Variants in ARHGEF38 observed in about 807,000 individuals in gnomAD.
The protein encoded by ARHGEF38 is Rho guanine nucleotide exchange factor (GEF) 38.
ARHGEF38 carries 79 observed loss-of-function variants against 79.9 expected under a neutral mutation model. The observed-to-expected ratio is 0.99, with a 90% CI of 0.82 to 1.19. ARHGEF38 has a LOEUF of 1.19. ARHGEF38 is among the 50% of genes most tolerant of loss of function. ARHGEF38 has a pLI of 0.00. For synonymous variants in ARHGEF38, 366 were observed against 328.3 expected (o/e 1.11, Z -1.24); for missense variants, 962 against 907.2 (o/e 1.06, Z -0.78).
chr4:105,679,567 C>A lies in ARHGEF38; in HGVS notation c.*1630C>A. ...GCTGCAGCCAATGCATCTATCGCCC[C>A]TTTCTCTTCTATCAGTATCTGAGCT... On this transcript the variant is annotated 3_prime_UTR_variant, in exon 14 of 14. Coordinates refer to ENST00000420470, the MANE Select transcript of ARHGEF38 (RefSeq NM_001242729.2). The A allele has an allele frequency of 9.9e-7, 1 of 1,014,546 alleles. No homozygotes were observed. Among genetic ancestry groups the A allele is most frequent in the Non-Finnish European group, 1.6e-6 (1 of 635,278 alleles). The allele number at this position is 1,014,546 out of a possible 1,614,324, so 62.8% of individuals were successfully genotyped here.
chr4:105,553,090 A>T, intron 1 of ARHGEF38, 129 bp downstream of exon 1: 1 of 663,060 alleles, frequency 1.5e-6, no homozygotes, highest in South Asian at 2.6e-5. Context: ...CCCACAAAAT[A>T]AGAAGATGAA....
At chr4:105,577,575 T>C (rs1006397002) in intron 1 of ARHGEF38, among the ~76,000 whole-genome samples, 29 of 152,026 alleles carry the variant, frequency 1.9e-4, no homozygotes, top group African/African-American at 6.3e-4. Context: ...TTGTTGTTGT[T>C]GGCAAATTTC....
rs146509685 is a variant in ARHGEF38, at chr4:105,571,613, G to A, written c.197-17635G>A. 1.6e-3 allele frequency among the ~76,000 whole-genome samples: 240 copies of A among 152,214 alleles called. 1 individual carries two copies. Among genetic ancestry groups the A allele is most frequent in the African/African-American group, 5.6e-3 (231 of 41,560 alleles). ...GCTGGGATTACAGGCGTGAGCCACC[G>A]CGCCCTGCCTGCTCATGCCTCTTCA... On this transcript the variant is annotated intron_variant, in intron 1 of 13. Coordinates refer to ENST00000420470, the MANE Select transcript of ARHGEF38 (RefSeq NM_001242729.2).
At chr4:105,588,222 C>T (rs1013423490) in intron 1 of ARHGEF38, among the ~76,000 whole-genome samples, 1 of 152,182 alleles carries the variant, frequency 6.6e-6, no homozygotes, top group Non-Finnish European at 1.5e-5. Context: ...TTTATAGGCC[C>T]TTTTGTAAAG....
chr4:105,579,110 CTT>C (rs987742086), intron 1 of ARHGEF38, among the ~76,000 whole-genome samples: 2 of 152,120 alleles, frequency 1.3e-5, no homozygotes, highest in Admixed American at 6.5e-5. Context: ...TATCCTGAAA[CTT>C]TGCTGAATTT....
In ARHGEF38 at chr4:105,655,603, G is replaced by A. The variant is rs202237437; in HGVS notation, c.1114G>A (p.Asp372Asn). ...TTGTAACTTTGTTCTTGGGTTTCAG[G>A]ATGCCATGCCCCTGGCTCTGCAGAG... ...NISLCLQHIQ[D>N]AMPLALQSVM... The change falls in exon 9 of 14, where the codon GAT becomes AAT. Residue 372 changes from aspartate to asparagine, a missense_variant and splice_region_variant. Physicochemically the swap from Asp to Asn is conservative, Grantham distance 23 (BLOSUM62 1). Transcript: ENST00000420470. 2.0e-4 allele frequency: 301 copies of A among 1,533,886 alleles called. 1 individual carries two copies. Among genetic ancestry groups the A allele is most frequent in the South Asian group, 3.5e-4 (29 of 83,258 alleles).
intron 2 of ARHGEF38, among the ~76,000 whole-genome samples, chr4:105,602,897 G>A (rs1299240720): frequency 6.6e-6 from 1 of 152,212 alleles, no homozygotes; most frequent in East Asian, 1.9e-4. Flanking sequence ...CCTAAAATCA[G>A]CACTCACTCC....
In ARHGEF38 at chr4:105,679,649, C is replaced by A; in HGVS notation, c.*1712C>A. On this transcript the variant is annotated 3_prime_UTR_variant, in exon 14 of 14. Transcript: ENST00000420470. ...GAAATGGAAGCCAGAGACCTTATGG[C>A]ATCCATGCTTTTAAATTTAACTAAA... The A allele has an allele frequency of 1.3e-6, 1 of 799,102 alleles. No homozygotes were observed. Among genetic ancestry groups the A allele is most frequent in the Non-Finnish European group, 2.3e-6 (1 of 441,358 alleles). The allele number at this position is 799,102 out of a possible 1,614,324, so 49.5% of individuals were successfully genotyped here.
In ARHGEF38 at chr4:105,667,435, C is replaced by T. The variant is rs781626064; in HGVS notation, c.1889-9C>T. ...ACTTGGTTCTTCTTTCTTTTTATTTCCTATCCAGATGTGAAAGGATATGTT... is the reference window on the plus strand; with the variant it reads ...ACTTGGTTCTTCTTTCTTTTTATTTTCTATCCAGATGTGAAAGGATATGTT... On this transcript the variant is annotated splice_polypyrimidine_tract_variant and intron_variant, in intron 12 of 13. Coordinates refer to ENST00000420470, the MANE Select transcript of ARHGEF38 (RefSeq NM_001242729.2). The T allele has an allele frequency of 6.5e-7, 1 of 1,535,378 alleles. No individual in the cohort carries two copies. The highest frequency in any genetic ancestry group is 8.7e-7 in the Non-Finnish European group (1 of 1,146,546).
intron 13 of ARHGEF38, among the ~76,000 whole-genome samples, chr4:105,669,102 C>T (rs761850930): frequency 5.3e-5 from 8 of 152,078 alleles, no homozygotes; most frequent in Non-Finnish European, 7.4e-5. Flanking sequence ...CTCCCCTTGT[C>T]CTGTGCTTCA....
chr4:105,653,563 C>T (rs1412419151), intron 7 of ARHGEF38, among the ~76,000 whole-genome samples: 12 of 152,054 alleles, frequency 7.9e-5, no homozygotes, highest in Admixed American at 6.6e-4. Context: ...CCTCGTGATC[C>T]GCCCGCCTTG....
rs1730788395 is a variant in ARHGEF38, at chr4:105,667,341, C to T, written c.1888+14C>T. On this transcript the variant is annotated intron_variant, in intron 12 of 13. Coordinates refer to ENST00000420470, the MANE Select transcript of ARHGEF38 (RefSeq NM_001242729.2). ...TGGACACAGGAAGTAAGTTTTTCCC[C>T]AGAACTACCACTCTTCTTTAAACTG... is the stretch of plus-strand genomic sequence containing the variant. The T allele has an allele frequency of 1.3e-6, 2 of 1,535,094 alleles. No homozygotes were observed. Among genetic ancestry groups the T allele is most frequent in the South Asian group, 1.2e-5 (1 of 83,922 alleles).
chr4:105,681,750 A>G (rs189231328), downstream of ARHGEF38, among the ~76,000 whole-genome samples: 4 of 152,322 alleles, frequency 2.6e-5, no homozygotes, highest in East Asian at 7.7e-4. Context: ...TCACCAAAAA[A>G]ATTTGCAACC....
chr4:105,681,707 C>T (rs759136916), downstream of ARHGEF38, among the ~76,000 whole-genome samples: 5 of 152,090 alleles, frequency 3.3e-5, no homozygotes, highest in Non-Finnish European at 5.9e-5. Context: ...TATTTATATC[C>T]TACTGTTCAA....
At chr4:105,562,061 G>C (rs1052395878) in intron 1 of ARHGEF38, among the ~76,000 whole-genome samples, 27 of 152,246 alleles carry the variant, frequency 1.8e-4, no homozygotes, top group African/African-American at 6.3e-4. Context: ...GTGATACAGG[G>C]AGGGCACTTT....
intron 1 of ARHGEF38, among the ~76,000 whole-genome samples, chr4:105,578,180 C>T (rs1429824478): frequency 6.6e-6 from 1 of 152,148 alleles, no homozygotes; most frequent in Non-Finnish European, 1.5e-5. Context: ...TCATCAGTAA[C>T]CTCAAAATCA....
intron 3 of ARHGEF38, among the ~76,000 whole-genome samples, chr4:105,625,865 T>C (rs1052472555): frequency 2.0e-5 from 3 of 152,156 alleles, no homozygotes; most frequent in African/African-American, 7.2e-5. Flanking sequence ...TATTTCTCAT[T>C]ATTTTGTTCT....
intron 2 of ARHGEF38, among the ~76,000 whole-genome samples, chr4:105,597,702 A>C (rs553098643): frequency 6.6e-6 from 1 of 152,302 alleles, no homozygotes; most frequent in South Asian, 2.1e-4. Flanking sequence ...TATGCCATTT[A>C]TAATATGTTC....
chr4:105,558,393 G>A (rs1392028647), intron 1 of ARHGEF38, among the ~76,000 whole-genome samples: 1 of 152,076 alleles, frequency 6.6e-6, no homozygotes, highest in African/African-American at 2.4e-5. Context: ...CTTTTTGTTC[G>A]TGTCTGTTCT....
Sources: gnomAD v4.1 joint callset for allele counts (sites outside exome capture counted in the v4.1 genomes callset) on GRCh38, gnomAD v4.1.1 for gene constraint, MANE v1.5 for transcripts, NCBI Gene and HGNC (gene_info 2026-07-23, HGNC 2026-07-21) for gene names.